The following NEGR1 variants were observed in gnomAD, a reference collection of about 807,000 sequenced individuals.
NEGR1 encodes the protein neuronal growth regulator 1, also known as IgLON family member 4.
Under a neutral mutation model 40.9 loss-of-function variants are expected in NEGR1, and 10 were observed. The ratio of observed to expected loss-of-function variants is 0.24; its 90% confidence interval spans 0.15 to 0.42. The LOEUF is 0.42. Among genes scored for constraint, NEGR1 ranks in the 10% least tolerant of loss-of-function variants. The pLI is 1.00. For missense variants in NEGR1, 352 were observed against 438.9 expected (o/e 0.80, Z 1.77); for synonymous variants, 185 against 166.8 (o/e 1.11, Z -0.84).
chr1:72,248,512 C>T (rs553702450), intron 1 of NEGR1, among the ~76,000 whole-genome samples: 2 of 151,352 alleles, frequency 1.3e-5, no homozygotes, highest in Non-Finnish European at 2.9e-5. Context: ...CCCATCTCAG[C>T]CTCTCAAAGT....
intron 1 of NEGR1, among the ~76,000 whole-genome samples, chr1:72,265,537 G>A (rs2100550879): frequency 6.6e-6 from 1 of 150,814 alleles, no homozygotes; most frequent in African/African-American, 2.4e-5. Flanking sequence ...TCAAGAAAAT[G>A]AAATATATGC....
chr1:71,562,012 C>A (rs1390671833), intron 6 of NEGR1, among the ~76,000 whole-genome samples: 1 of 143,686 alleles, frequency 7.0e-6, no homozygotes, highest in East Asian at 2.2e-4. Flanking sequence ...ATTTTTGAAT[C>A]TGTTCCACTG....
chr1:72,013,201 A>T (rs907034497), intron 1 of NEGR1, among the ~76,000 whole-genome samples: 2 of 152,026 alleles, frequency 1.3e-5, no homozygotes. Context: ...TTGGAATTTG[A>T]ATGAGCCCCA....
chr1:71,512,579 A>G (rs1417396966), intron 6 of NEGR1, among the ~76,000 whole-genome samples: 1 of 151,002 alleles, frequency 6.6e-6, no homozygotes, highest in African/African-American at 2.5e-5. Context: ...CATAAATACT[A>G]ATCGATTTTT....
chr1:71,819,730 G>C (rs1284273392), intron 2 of NEGR1, among the ~76,000 whole-genome samples: 1 of 151,964 alleles, frequency 6.6e-6, no homozygotes, highest in Non-Finnish European at 1.5e-5. Flanking sequence ...CTATGTCAAA[G>C]GGGGGATAAA....
chr1:72,038,873 T>C (rs1646927688), intron 1 of NEGR1, among the ~76,000 whole-genome samples: 1 of 152,078 alleles, frequency 6.6e-6, no homozygotes, highest in African/African-American at 2.4e-5. Flanking sequence ...ATCAAAGAGC[T>C]CACTACTGAG....
rs571925846 is a variant in NEGR1, at chr1:71,398,058, T to C, written c.*9388A>G. On this transcript the variant is annotated 3_prime_UTR_variant, in exon 7 of 7. Transcript: ENST00000357731. ...CTGTGGGTGCATGGAAGTCAAAAAT[T>C]GAGGCTTGGAAACCACCACCTAAAT... 1.4e-3 allele frequency: 207 copies of C among 152,350 alleles called. No individual in the cohort carries two copies. The highest frequency in any genetic ancestry group is 2.4e-3 in the Non-Finnish European group (166 of 68,090). The allele number at this position is 152,350 out of a possible 1,614,324, so 9.4% of individuals were successfully genotyped here.
chr1:71,732,347 A>G (rs996067917), intron 3 of NEGR1, among the ~76,000 whole-genome samples: 1 of 152,070 alleles, frequency 6.6e-6, no homozygotes, highest in Non-Finnish European at 1.5e-5. Flanking sequence ...AACAACAAAA[A>G]AACCCCATAC....
chr1:72,114,494 TAGATA>T (rs569437228), intron 1 of NEGR1, among the ~76,000 whole-genome samples: 119 of 151,868 alleles, frequency 7.8e-4, no homozygotes, highest in Middle Eastern at 3.4e-3. Flanking sequence ...AATAGATAGA[TAGATA>T]ATAGATCTAG....
At chr1:71,666,157 T>C (rs2101594833) in intron 4 of NEGR1, among the ~76,000 whole-genome samples, 1 of 152,344 alleles carries the variant, frequency 6.6e-6, no homozygotes, top group Admixed American at 6.5e-5. Flanking sequence ...TCTGATTTTC[T>C]AAAACTTACC....
At chr1:71,506,988 G>A (rs768420671) in intron 6 of NEGR1, among the ~76,000 whole-genome samples, 3 of 152,170 alleles carry the variant, frequency 2.0e-5, no homozygotes, top group African/African-American at 4.8e-5. Flanking sequence ...GATTCTAAAT[G>A]TGCCTATGGA....
intron 1 of NEGR1, among the ~76,000 whole-genome samples, chr1:72,067,939 T>G (rs1647316964): frequency 6.6e-6 from 1 of 152,198 alleles, no homozygotes; most frequent in African/African-American, 2.4e-5. Context: ...ATTTATAGGC[T>G]TTGGTATTCA....
chr1:72,046,402 T>C (rs891671885), intron 1 of NEGR1, among the ~76,000 whole-genome samples: 2 of 151,444 alleles, frequency 1.3e-5, no homozygotes, highest in Non-Finnish European at 3.0e-5. Context: ...CAAAGAAAAA[T>C]AAAATTGGCT....
chr1:71,956,177 T>C (rs568827246), intron 1 of NEGR1, among the ~76,000 whole-genome samples: 1 of 152,310 alleles, frequency 6.6e-6, no homozygotes, highest in African/African-American at 2.4e-5. Flanking sequence ...ATCTGTCAAC[T>C]TGATTACAGA....
intron 6 of NEGR1, among the ~76,000 whole-genome samples, chr1:71,412,000 A>T (rs926385746): frequency 6.9e-6 from 1 of 145,464 alleles, no homozygotes; most frequent in African/African-American, 2.5e-5. Context: ...GACTCTGTCT[A>T]AAAAAAAAAA....
chr1:72,081,480 T>A (rs908731802), intron 1 of NEGR1, among the ~76,000 whole-genome samples: 1 of 152,126 alleles, frequency 6.6e-6, no homozygotes, highest in African/African-American at 2.4e-5. Flanking sequence ...TCCCTGTAAT[T>A]TTCCTTCTTT....
chr1:71,899,533 C>T (rs905559274), intron 2 of NEGR1, among the ~76,000 whole-genome samples: 1 of 152,100 alleles, frequency 6.6e-6, no homozygotes, highest in South Asian at 2.1e-4. Flanking sequence ...CTAAGAAATT[C>T]AAATCCTTGA....
chr1:72,208,552 T>G (rs1653489883), intron 1 of NEGR1, among the ~76,000 whole-genome samples: 1 of 151,550 alleles, frequency 6.6e-6, no homozygotes. Context: ...TAAGGCTTCT[T>G]TAAGTCAAAA....
intron 1 of NEGR1, among the ~76,000 whole-genome samples, chr1:72,104,002 T>C (rs1384625008): frequency 6.6e-6 from 1 of 152,152 alleles, no homozygotes; most frequent in African/African-American, 2.4e-5. Flanking sequence ...ACCAATGACT[T>C]TGAGGCTTCT....
Sources: gnomAD v4.1 joint callset for allele counts (sites outside exome capture counted in the v4.1 genomes callset) on GRCh38, gnomAD v4.1.1 for gene constraint, MANE v1.5 for transcripts, NCBI Gene and HGNC (gene_info 2026-07-23, HGNC 2026-07-21) for gene names.